AFF1: variants seen among roughly 807,000 people sequenced by gnomAD.
AFF1 encodes ALF transcription elongation factor 1, also known as AF4/FMR2 family member 1.
Under a neutral mutation model 121.7 loss-of-function variants are expected in AFF1, and 48 were observed. That is an observed-to-expected ratio of 0.39 (90% CI 0.31 to 0.50). The LOEUF (loss-of-function observed/expected upper bound fraction) is 0.50. Ranked by LOEUF, AFF1 falls within the 20% of genes least tolerant of loss-of-function variation. The probability of loss-of-function intolerance (pLI) is 0.76; values close to 1 mark genes in which losing one functional copy is unlikely to be tolerated. For synonymous variants in AFF1, 613 were observed against 563.0 expected (o/e 1.09, Z -1.26); for missense variants, 1,523 against 1,511.7 (o/e 1.01, Z -0.12).
rs1249515722 is a variant in AFF1 at position 87,138,382 on chromosome 4, A to G, written c.*2681A>G. 4.3e-6 allele frequency: 1 copy of G among 232,314 alleles called. No individual in the cohort carries two copies. Among genetic ancestry groups the G allele is most frequent in the African/African-American group, 2.2e-5 (1 of 45,238 alleles). The allele number at this position is 232,314 out of a possible 1,614,324, so 14.4% of individuals were successfully genotyped here. A position where few individuals can be genotyped will look rare whatever the true frequency, so the allele number is the denominator to read the frequency against. On this transcript the variant is annotated 3_prime_UTR_variant, in exon 21 of 21. Coordinates refer to ENST00000395146, the MANE Select transcript of AFF1 (RefSeq NM_001166693.3). ...GCTAGATTATAAAATTAAGCCTTAG[A>G]GTATGGAAAGTTCTTATAACAATAA...
chr4:87,104,266 A>G (rs1725697097), intron 8 of AFF1, among the ~76,000 whole-genome samples: 1 of 152,170 alleles, frequency 6.6e-6, no homozygotes, highest in Non-Finnish European at 1.5e-5. Context: ...TTAGCCGGGC[A>G]TGGTGGCCTG....
chr4:86,962,210 A>C (rs1722205833), intron 2 of AFF1, among the ~76,000 whole-genome samples: 1 of 148,038 alleles, frequency 6.8e-6, no homozygotes, highest in East Asian at 2.0e-4. Context: ...TGGTGAGTAG[A>C]ACACTTCTTA....
intron 1 of AFF1, among the ~76,000 whole-genome samples, chr4:86,937,694 T>TC (rs1197723656): frequency 2.1e-5 from 3 of 146,022 alleles, no homozygotes; most frequent in African/African-American, 7.6e-5. Context: ...GGATCCTCCC[T>TC]CCTCAGCCTC....
At chr4:87,126,017 A>C (rs960557804) in intron 13 of AFF1, 82 bp from the exon 14 acceptor site, 32 of 1,368,128 alleles carry the variant, frequency 2.3e-5, no homozygotes, top group Non-Finnish European at 3.2e-5. Flanking sequence ...CTTTTGTGCC[A>C]GCAGCCAGTT....
chr4:87,071,752 A>G (rs1193729664), intron 4 of AFF1, among the ~76,000 whole-genome samples: 1 of 152,188 alleles, frequency 6.6e-6, no homozygotes, highest in Admixed American at 6.5e-5. Flanking sequence ...TGTTACTATT[A>G]GAACGGTTGC....
intron 2 of AFF1, among the ~76,000 whole-genome samples, chr4:87,002,425 GTTTTTT>G (rs3035506): frequency 1.5e-5 from 1 of 68,140 alleles, no homozygotes; most frequent in Non-Finnish European, 2.8e-5. Context: ...GGGCAATGAA[GTTTTTT>G]TTTTTTTTTT....
At chr4:87,040,900 G>A (rs1286358380) in intron 2 of AFF1, among the ~76,000 whole-genome samples, 1 of 110,704 alleles carries the variant, frequency 9.0e-6, no homozygotes, top group Non-Finnish European at 1.7e-5. Flanking sequence ...TTTTGAGATG[G>A]AGTCTTGCTT....
chr4:86,950,146 G>A (rs1721201815), intron 2 of AFF1: 1 of 1,512,646 alleles, frequency 6.6e-7, no homozygotes, highest in Non-Finnish European at 9.2e-7. Flanking sequence ...GCCAGCACCG[G>A]ACAAGGCAGA....
chr4:86,951,308 G>A (rs563594107), intron 2 of AFF1, among the ~76,000 whole-genome samples: 1 of 151,604 alleles, frequency 6.6e-6, no homozygotes, highest in East Asian at 1.9e-4. Context: ...GTCAGCCAGA[G>A]CTCCTATCTA....
rs565633007 is a variant in AFF1, at chr4:87,093,328, A to T, written c.1228+1499A>T. On this transcript the variant is annotated intron_variant, in intron 7 of 20. Transcript: ENST00000395146. Reference sequence around the variant, plus strand: ...CCTTATTTATCTTTGTGAGAATGTGACCTGAAAAAGAGGGATCTAGTTTGT... The same window carrying T: ...CCTTATTTATCTTTGTGAGAATGTGTCCTGAAAAAGAGGGATCTAGTTTGT... Among the ~76,000 whole-genome samples, 7 of 152,230 alleles carry T rather than the reference A, an allele frequency of 4.6e-5. No homozygotes were observed. In the South Asian group the frequency reaches 1.5e-3, roughly 32 times the overall value.
At chr4:87,001,315 C>T (rs1725708007) in intron 2 of AFF1, among the ~76,000 whole-genome samples, 1 of 140,668 alleles carries the variant, frequency 7.1e-6, no homozygotes, top group African/African-American at 2.6e-5. Context: ...CTCCCAGGTT[C>T]AAGCGATTCT....
At chr4:87,064,480 G>T (rs910734417) in intron 4 of AFF1, among the ~76,000 whole-genome samples, 10 of 152,158 alleles carry the variant, frequency 6.6e-5, no homozygotes, top group African/African-American at 2.4e-4. Context: ...AGTGGCTCAC[G>T]CCTGTAATCC....
chr4:87,083,353 G>A (rs570927429), intron 4 of AFF1, among the ~76,000 whole-genome samples: 4 of 152,214 alleles, frequency 2.6e-5, no homozygotes, highest in South Asian at 2.1e-4. Flanking sequence ...CTTTGTGTGC[G>A]TCTGTGTATG....
At chr4:87,095,274 A>AT (rs1724720588) in intron 8 of AFF1, among the ~76,000 whole-genome samples, 1 of 152,208 alleles carries the variant, frequency 6.6e-6, no homozygotes, top group African/African-American at 2.4e-5. Flanking sequence ...GCCCACCACC[A>AT]TGCCTGACTA....
chr4:87,022,282 T>C (rs1400663453), intron 2 of AFF1, among the ~76,000 whole-genome samples: 1 of 150,402 alleles, frequency 6.6e-6, no homozygotes, highest in African/African-American at 2.4e-5. Flanking sequence ...TAACATTGAC[T>C]AAAGCAAGGT....
At chr4:87,061,861 T>C (rs985072566) in intron 4 of AFF1, among the ~76,000 whole-genome samples, 4 of 150,996 alleles carry the variant, frequency 2.6e-5, no homozygotes, top group Non-Finnish European at 4.4e-5. Flanking sequence ...AAAAATGTGA[T>C]TGATTTCTCA....
At chr4:87,038,412 G>A (rs752448770) in intron 2 of AFF1, among the ~76,000 whole-genome samples, 5 of 152,286 alleles carry the variant, frequency 3.3e-5, no homozygotes, top group Non-Finnish European at 5.9e-5. Flanking sequence ...AGTCAAACTA[G>A]TATTGTGCTT....
chr4:87,028,062 T>A (rs1381705162), intron 2 of AFF1, among the ~76,000 whole-genome samples: 1 of 151,986 alleles, frequency 6.6e-6, no homozygotes, highest in African/African-American at 2.4e-5. Context: ...TAAATGCCAG[T>A]GTTCCAAAAT....
intron 4 of AFF1, among the ~76,000 whole-genome samples, chr4:87,063,029 CAA>C (rs779177291): frequency 1.2e-4 from 19 of 152,054 alleles, no homozygotes; most frequent in Admixed American, 3.9e-4. Context: ...TTAACCTGTT[CAA>C]GTCTCAATTT....
Sources: gnomAD v4.1 joint callset for allele counts (sites outside exome capture counted in the v4.1 genomes callset) on GRCh38, gnomAD v4.1.1 for gene constraint, MANE v1.5 for transcripts, NCBI Gene and HGNC (gene_info 2026-07-23, HGNC 2026-07-21) for gene names.